Variants in CCDC60 observed in about 807,000 individuals in gnomAD.
CCDC60 encodes the protein coiled-coil domain-containing protein 60.
CCDC60 carries 54 observed loss-of-function variants against 63.5 expected under a neutral mutation model. The observed-to-expected ratio is 0.85, with a 90% confidence interval of 0.68 to 1.07. The LOEUF (loss-of-function observed/expected upper bound fraction) is 1.07. CCDC60 is among the 50% of genes least tolerant of loss of function. CCDC60 has a pLI of 0.00. For missense variants in CCDC60, 651 were observed against 684.3 expected (o/e 0.95, Z 0.54); for synonymous variants, 206 against 238.8 (o/e 0.86, Z 1.27).
At chr12:119,488,430 C>G (rs1271401665) in intron 4 of CCDC60, among the ~76,000 whole-genome samples, 1 of 152,136 alleles carries the variant, frequency 6.6e-6, no homozygotes, top group Non-Finnish European at 1.5e-5. Flanking sequence ...TCTTGTTTCT[C>G]TCCCTGCTAT....
intron 7 of CCDC60, among the ~76,000 whole-genome samples, chr12:119,507,587 TATACATATATATATATATATATA>T (rs1952071996): frequency 2.9e-5 from 1 of 34,712 alleles, no homozygotes; most frequent in African/African-American, 2.3e-4. Context: ...TACACATATA[TATACATATATATATATATATATA>T]TATATTTTTT....
chr12:119,335,937 C>G (rs1420458077), intron 1 of CCDC60, among the ~76,000 whole-genome samples: 1 of 151,946 alleles, frequency 6.6e-6, no homozygotes, highest in Non-Finnish European at 1.5e-5. Flanking sequence ...TTTTCATGTC[C>G]TTTGTAGGGA....
intron 1 of CCDC60, among the ~76,000 whole-genome samples, chr12:119,363,984 G>A (rs911216252): frequency 1.3e-5 from 2 of 152,038 alleles, no homozygotes; most frequent in African/African-American, 4.8e-5. Flanking sequence ...TGAAATTTTA[G>A]TTCTTCTTTT....
chr12:119,338,578 T>C (rs1955498747), intron 1 of CCDC60, among the ~76,000 whole-genome samples: 4 of 152,192 alleles, frequency 2.6e-5, no homozygotes. Context: ...CCTCTCCATC[T>C]CACCATTCTA....
chr12:119,530,322 C>T (rs1952805670), intron 12 of CCDC60, among the ~76,000 whole-genome samples: 1 of 151,302 alleles, frequency 6.6e-6, no homozygotes, highest in Non-Finnish European at 1.5e-5. Context: ...TCTGAACCAT[C>T]TCCTTAGGTT....
intron 4 of CCDC60, among the ~76,000 whole-genome samples, chr12:119,479,995 TAC>T (rs56080581): frequency 0.26 from 31,529 of 121,610 alleles, 3,432 homozygotes; most frequent in South Asian, 0.32. Context: ...CCGTACATCA[TAC>T]ACACACACAC....
chr12:119,502,636 T>G (rs1951883395), intron 6 of CCDC60, among the ~76,000 whole-genome samples: 1 of 152,184 alleles, frequency 6.6e-6, no homozygotes, highest in Non-Finnish European at 1.5e-5. Context: ...TTAATTAAAT[T>G]TTAATTAATG....
chr12:119,418,476 G>T (rs1159278007), intron 1 of CCDC60, among the ~76,000 whole-genome samples: 1 of 124,230 alleles, frequency 8.0e-6, no homozygotes, highest in South Asian at 2.8e-4. Flanking sequence ...GTGCAGTGGC[G>T]CAATCTCAGT....
intron 1 of CCDC60, among the ~76,000 whole-genome samples, chr12:119,337,619 G>A (rs1955485004): frequency 6.6e-6 from 1 of 152,176 alleles, no homozygotes; most frequent in Non-Finnish European, 1.5e-5. Flanking sequence ...GCTGTTAGGT[G>A]CTAAACACTT....
At chr12:119,471,089 C>T (rs1246495430) in intron 2 of CCDC60, among the ~76,000 whole-genome samples, 1 of 152,228 alleles carries the variant, frequency 6.6e-6, no homozygotes, top group Non-Finnish European at 1.5e-5. Context: ...ATCACTCCTT[C>T]TCCACCACAG....
chr12:119,354,844 A>G (rs1234941908), intron 1 of CCDC60, among the ~76,000 whole-genome samples: 1 of 152,220 alleles, frequency 6.6e-6, no homozygotes, highest in Non-Finnish European at 1.5e-5. Context: ...AGACAAAGCC[A>G]AAGAAATCTC....
chr12:119,368,551 AC>A (rs1165680040), intron 1 of CCDC60, among the ~76,000 whole-genome samples: 1 of 152,128 alleles, frequency 6.6e-6, no homozygotes, highest in Non-Finnish European at 1.5e-5. Flanking sequence ...ATAAAGAATT[AC>A]GCCTTCCGAC....
rs1448861000 is a variant in CCDC60, at chr12:119,389,227, T to C, written c.91-39456T>C. On this transcript the variant is annotated intron_variant, in intron 1 of 13. Transcript: ENST00000327554. ...GTTGCCTTGCCTTCAGATGCAACAA[T>C]TCTGAGACATCTTCTATATCAAGAG... Among the ~76,000 whole-genome samples the C allele has an allele frequency of 1.3e-5, 2 of 152,194 alleles. 1 individual carries two copies. Among genetic ancestry groups the C allele is most frequent in the Middle Eastern group, 6.3e-3 (2 of 316 alleles).
At chr12:119,364,053 T>G (rs1955816676) in intron 1 of CCDC60, among the ~76,000 whole-genome samples, 1 of 152,224 alleles carries the variant, frequency 6.6e-6, no homozygotes, top group Non-Finnish European at 1.5e-5. Flanking sequence ...GCTGTTGCAA[T>G]GAAAACAATA....
chr12:119,400,228 T>G lies in CCDC60; in HGVS notation c.91-28455T>G, dbSNP rs375090881. Among the ~76,000 whole-genome samples the G allele has an allele frequency of 2.0e-5, 3 of 152,182 alleles. No homozygotes were observed. The South Asian group carries it at 6.2e-4, about 31-fold the overall frequency. ...CCACGCCCGGCTAATTTTTTGTATT[T>G]TTAGTAAAGACGGGGTTTCACCGTA... is the stretch of plus-strand genomic sequence containing the variant. On this transcript the variant is annotated intron_variant, in intron 1 of 13. Transcript: ENST00000327554.
At chr12:119,335,290 C>G in intron 1 of CCDC60, 24 bp downstream of exon 1, 2 of 1,533,722 alleles carry the variant, frequency 1.3e-6, no homozygotes, top group Non-Finnish European at 1.8e-6. Context: ...CTGCTGAAAC[C>G]AATCATGTTT....
chr12:119,423,780 G>C (rs773094033), intron 1 of CCDC60, among the ~76,000 whole-genome samples: 18 of 152,198 alleles, frequency 1.2e-4, no homozygotes, highest in Non-Finnish European at 2.1e-4. Context: ...CCACTCCCCT[G>C]TATTAAATTC....
At chr12:119,455,761 A>AAAAG (rs1555245255) in intron 2 of CCDC60, among the ~76,000 whole-genome samples, 19,854 of 147,872 alleles carry the variant, frequency 0.13, 1,533 homozygotes, top group East Asian at 0.29. Context: ...GAAAGAAAAG[A>AAAAG]AAAGAAAGAA....
intron 1 of CCDC60, among the ~76,000 whole-genome samples, chr12:119,361,082 A>C (rs1955784526): frequency 6.6e-6 from 1 of 151,724 alleles, no homozygotes; most frequent in Non-Finnish European, 1.5e-5. Context: ...CCGAGATGGC[A>C]GCAGTATAGT....
Sources: allele counts gnomAD v4.1 joint callset (sites outside exome capture counted in the v4.1 genomes callset), GRCh38; gene constraint gnomAD v4.1.1; transcripts MANE v1.5; gene names NCBI Gene and HGNC (gene_info 2026-07-23, HGNC 2026-07-21).